The following TCP10L variants were observed in gnomAD, a reference collection of about 807,000 sequenced individuals.
TCP10L encodes t-complex 10 like.
TCP10L carries 11 observed loss-of-function variants against 19.2 expected under a neutral mutation model. The observed-to-expected ratio is 0.57, with a 90% confidence interval of 0.36 to 0.95. The LOEUF is 0.95. Ranked by LOEUF, TCP10L falls within the 40% of genes least tolerant of loss-of-function variation. The probability of loss-of-function intolerance (pLI) is 0.01; values close to 1 mark genes in which losing one functional copy is unlikely to be tolerated. For synonymous variants in TCP10L, 96 were observed against 97.2 expected (o/e 0.99, Z 0.07); for missense variants, 247 against 263.9 (o/e 0.94, Z 0.44).
chr21:32,583,227 G>T (rs1258970364), intron 2 of TCP10L, among the ~76,000 whole-genome samples: 1 of 151,496 alleles, frequency 6.6e-6, no homozygotes, highest in African/African-American at 2.4e-5. Context: ...TAGAGACAGG[G>T]TTTTACCATG....
intron 4 of TCP10L, among the ~76,000 whole-genome samples, chr21:32,577,987 C>A (rs2038453219): frequency 6.6e-6 from 1 of 152,242 alleles, no homozygotes; most frequent in Non-Finnish European, 1.5e-5. Context: ...ACAGCAGAAA[C>A]ATGTCCTTAA....
chr21:32,579,159 T>C (rs939860832), intron 3 of TCP10L, among the ~76,000 whole-genome samples: 8 of 152,200 alleles, frequency 5.3e-5, no homozygotes, highest in African/African-American at 1.7e-4. Flanking sequence ...CGGGAGTGTG[T>C]TAACGGAGGA....
rs375435830 is a variant in TCP10L at position 32,576,395 on chromosome 21, G to T, written c.*379C>A. 367 of 1,046,774 alleles carry T rather than the reference G, an allele frequency of 3.5e-4. No individual in the cohort carries two copies. Among genetic ancestry groups the T allele is most frequent in the Non-Finnish European group, 4.6e-4 (336 of 727,698 alleles). The allele number at this position is 1,046,774 out of a possible 1,614,324, so 64.8% of individuals were successfully genotyped here. A position where few individuals can be genotyped will look rare whatever the true frequency, so the allele number is the denominator to read the frequency against. ...AGCGGGCAATGCCTTGAGCCCAAAGGCTGGGAGCACAAAGCCATCTTCAGC... is the reference window on the plus strand; with the variant it reads ...AGCGGGCAATGCCTTGAGCCCAAAGTCTGGGAGCACAAAGCCATCTTCAGC... On this transcript the variant is annotated 3_prime_UTR_variant, in exon 5 of 5. Transcript: ENST00000300258.
At position 32,574,609 on chromosome 21, in the gene TCP10L, G is replaced by T; in HGVS notation, c.*2165C>A. 5.6e-6 allele frequency: 1 copy of T among 179,926 alleles called. No individual in the cohort carries two copies. Among genetic ancestry groups the T allele is most frequent in the South Asian group, 1.7e-4 (1 of 5,956 alleles). 11.1% of individuals were successfully genotyped at this position (179,926 alleles called of 1,614,324 possible). A position where few individuals can be genotyped will look rare whatever the true frequency, so the allele number is the denominator to read the frequency against. On this transcript the variant is annotated 3_prime_UTR_variant, in exon 5 of 5. Coordinates refer to ENST00000300258, the MANE Select transcript of TCP10L (RefSeq NM_144659.7). Reference sequence around the variant, plus strand: ...CTGCAATGTTTGGGGAAGAAGCAGTGAACTCATCAGGTTGAACGTGGCTGA... The same window carrying T: ...CTGCAATGTTTGGGGAAGAAGCAGTTAACTCATCAGGTTGAACGTGGCTGA...
chr21:32,584,904 C>G (rs1291705415), intron 1 of TCP10L, among the ~76,000 whole-genome samples: 1 of 152,112 alleles, frequency 6.6e-6, no homozygotes, highest in Non-Finnish European at 1.5e-5. Flanking sequence ...AAAGGAAACA[C>G]CTTTTTATAG....
In TCP10L at chr21:32,582,411, A is replaced by G. The variant is rs555874990; in HGVS notation, c.149T>C (p.Leu50Ser). Residue 50 changes from leucine (L) to serine (S), a missense_variant, in exon 3 of 5, where the codon TTA becomes TCA. Coordinates refer to ENST00000300258, the MANE Select transcript of TCP10L (RefSeq NM_144659.7). This position sits in a 1 kb window ranked among gnomAD's most constrained non-coding sequence, Gnocchi z 4.2. ...GTGGAGTCTGATGATCTGCTGCTGT[A>G]ATGGCTGTTATTGGGAAGAGAACAC... ...EDCNTGEMPPLQQQIIRLHQE... is the reference protein window; with the variant it reads ...EDCNTGEMPPSQQQIIRLHQE... 1.6e-5 allele frequency: 26 copies of G among 1,611,230 alleles called. No homozygotes were observed. The South Asian group carries it at 2.9e-4, about 18-fold the overall frequency.
At chr21:32,584,021 G>C in intron 2 of TCP10L, 140 bp downstream of exon 2, 1 of 1,150,282 alleles carries the variant, frequency 8.7e-7, no homozygotes, top group Non-Finnish European at 1.2e-6. Context: ...GCCCCTTGGA[G>C]AGGAAGTACA....
At position 32,578,837 on chromosome 21, in the gene TCP10L, A is replaced by C. The variant is rs1456199469; in HGVS notation, c.361-6T>G. Reference sequence around the variant, plus strand: ...CCAAAAGCAGGTTCCAATGCCTAAAAGACAAAATGCAGGGAAATTCTTCAC... The same window carrying C: ...CCAAAAGCAGGTTCCAATGCCTAAACGACAAAATGCAGGGAAATTCTTCAC... On this transcript the variant is annotated splice_region_variant and splice_polypyrimidine_tract_variant and intron_variant, in intron 3 of 4. Coordinates refer to ENST00000300258, the MANE Select transcript of TCP10L (RefSeq NM_144659.7). The surrounding 1 kb of genome is among the most constrained non-coding windows in gnomAD (Gnocchi z 4.2). 5.0e-6 allele frequency: 8 copies of C among 1,614,012 alleles called. No homozygotes were observed. The highest frequency in any genetic ancestry group is 5.9e-6 in the Non-Finnish European group (7 of 1,180,032).
rs2038508328 is a variant in TCP10L, at chr21:32,582,579, T to TCTC, written c.145-165_145-164insGAG. On this transcript the variant is annotated intron_variant, in intron 2 of 4. Transcript: ENST00000300258. This position sits in a 1 kb window ranked among gnomAD's most constrained non-coding sequence, Gnocchi z 4.2. ...CTACCACAGCCTTTTTCTTTCTTCTTTCTTTCCTTTCTTTCTTTCTTTTCT... is the reference window on the plus strand; with the variant it reads ...CTACCACAGCCTTTTTCTTTCTTCTTCTCTCTTTCCTTTCTTTCTTTCTTTTCT... 2 of 505,408 alleles carry TCTC rather than the reference T, an allele frequency of 4.0e-6. No individual in the cohort carries two copies. The highest frequency in any genetic ancestry group is 2.8e-5 in the South Asian group (1 of 35,878). The allele number at this position is 505,408 out of a possible 1,614,324, so 31.3% of individuals were successfully genotyped here. A position where few individuals can be genotyped will look rare whatever the true frequency, so the allele number is the denominator to read the frequency against.
rs1250204430 is a variant in TCP10L, at chr21:32,584,593, G to A, written c.-1-288C>T. On this transcript the variant is annotated intron_variant, in intron 1 of 4. Transcript: ENST00000300258. ...TAACACACTCCAGTCATCCAAAGAG[G>A]GGTGTGAGTGGGGTGTGAGCCGGTG... Among the ~76,000 whole-genome samples the A allele has an allele frequency of 2.0e-5, 3 of 152,058 alleles. No homozygotes were observed. The East Asian group carries it at 5.8e-4, about 29-fold the overall frequency.
intron 2 of TCP10L, among the ~76,000 whole-genome samples, chr21:32,583,916 G>C (rs2038527303): frequency 6.6e-6 from 1 of 152,232 alleles, no homozygotes; most frequent in Admixed American, 6.5e-5. Context: ...TCCTGGATTA[G>C]AGGAGAAAAG....
chr21:32,576,189 C>A lies in TCP10L; in HGVS notation c.*585G>T. ...CCGCATTTCACGGGGAGCATAGAAA[C>A]AGGAGTCCCCAACTCTGCTCACCAG... On this transcript the variant is annotated 3_prime_UTR_variant, in exon 5 of 5. Transcript: ENST00000300258. The A allele has an allele frequency of 7.6e-7, 1 of 1,309,030 alleles. No individual in the cohort carries two copies. Among genetic ancestry groups the A allele is most frequent in the Non-Finnish European group, 1.1e-6 (1 of 937,566 alleles). The allele number at this position is 1,309,030 out of a possible 1,614,324, so 81.1% of individuals were successfully genotyped here. A position where few individuals can be genotyped will look rare whatever the true frequency, so the allele number is the denominator to read the frequency against.
At chr21:32,583,748 C>A (rs1362497609) in intron 2 of TCP10L, among the ~76,000 whole-genome samples, 1 of 152,152 alleles carries the variant, frequency 6.6e-6, no homozygotes, top group Non-Finnish European at 1.5e-5. Context: ...CACTGGGTGG[C>A]CCTGGCCACA....
At position 32,578,852 on chromosome 21, in the gene TCP10L, A is replaced by C. The variant is rs2038462757; in HGVS notation, c.361-21T>G. 6.2e-7 allele frequency: 1 copy of C among 1,613,616 alleles called. No homozygotes were observed. Among genetic ancestry groups the C allele is most frequent in the African/African-American group, 1.3e-5 (1 of 74,906 alleles). On this transcript the variant is annotated intron_variant, in intron 3 of 4. Transcript: ENST00000300258. The surrounding 1 kb of genome is among the most constrained non-coding windows in gnomAD (Gnocchi z 4.2). ...AATGCCTAAAAGACAAAATGCAGGG[A>C]AATTCTTCACATTTTCGAAGGTAAA...
chr21:32,582,485 C>T lies in TCP10L; in HGVS notation c.145-70G>A. 7.0e-7 allele frequency: 1 copy of T among 1,428,354 alleles called. No homozygotes were observed. Among genetic ancestry groups the T allele is most frequent in the Non-Finnish European group, 9.6e-7 (1 of 1,043,000 alleles). 88.5% of individuals were successfully genotyped at this position (1,428,354 alleles called of 1,614,324 possible). A position where few individuals can be genotyped will look rare whatever the true frequency, so the allele number is the denominator to read the frequency against. ...AATGGGCACATTTATCTGCAAAATA[C>T]TCAAGCCCTCTCTGATGTAAGACCA... On this transcript the variant is annotated intron_variant, in intron 2 of 4. Transcript: ENST00000300258. This position sits in a 1 kb window ranked among gnomAD's most constrained non-coding sequence, Gnocchi z 4.2.
At chr21:32,577,167 G>T (rs1332865243) in intron 4 of TCP10L, among the ~76,000 whole-genome samples, 1 of 152,180 alleles carries the variant, frequency 6.6e-6, no homozygotes, top group East Asian at 1.9e-4. Context: ...TAAAGTGCTT[G>T]AAACTCAATT....
In TCP10L at chr21:32,575,972, C is replaced by G. The variant is rs1601119800; in HGVS notation, c.*802G>C. 1 of 255,198 alleles carries G rather than the reference C, an allele frequency of 3.9e-6. No individual in the cohort carries two copies. Among genetic ancestry groups the G allele is most frequent in the Non-Finnish European group, 7.6e-6 (1 of 131,558 alleles). The allele number at this position is 255,198 out of a possible 1,614,324, so 15.8% of individuals were successfully genotyped here. On this transcript the variant is annotated 3_prime_UTR_variant, in exon 5 of 5. Transcript: ENST00000300258. ...GGAAGTGACCGCTAGGATTCGGAAT[C>G]TCCAGTCACGGCCCCTGGAGACCGG...
rs2038510005 is a variant in TCP10L, at chr21:32,582,724, C to T, written c.145-309G>A. 6.6e-6 allele frequency among the ~76,000 whole-genome samples: 1 copy of T among 151,806 alleles called. No individual in the cohort carries two copies. The highest frequency in any genetic ancestry group is 1.5e-5 in the Non-Finnish European group (1 of 67,974). The stretch of plus-strand genomic sequence containing the variant: ...CCTCCTGTCTCGACCTCCCAAATAG[C>T]TGGGACTACAGGCATGTGCCACCAT... On this transcript the variant is annotated intron_variant, in intron 2 of 4. Transcript: ENST00000300258. This position sits in a 1 kb window ranked among gnomAD's most constrained non-coding sequence, Gnocchi z 4.2.
intron 2 of TCP10L, among the ~76,000 whole-genome samples, chr21:32,583,383 A>T (rs1157511182): frequency 6.6e-6 from 1 of 151,594 alleles, no homozygotes; most frequent in Non-Finnish European, 1.5e-5. Flanking sequence ...AGGTCAGGAG[A>T]TCGAGACCAT....
Sources: allele counts gnomAD v4.1 joint callset (sites outside exome capture counted in the v4.1 genomes callset), GRCh38; gene constraint gnomAD v4.1.1; non-coding constraint Gnocchi (gnomAD v3.1); transcripts MANE v1.5; gene names NCBI Gene and HGNC (gene_info 2026-07-23, HGNC 2026-07-21).